CADM2: variants seen among roughly 807,000 people sequenced by gnomAD.
CADM2 encodes cell adhesion molecule 2.
In CADM2, 12 loss-of-function variants were observed where a neutral mutation model predicts 49.8. That is an observed-to-expected ratio of 0.24 (90% CI 0.15 to 0.39). CADM2 has a LOEUF of 0.39. CADM2 is among the 10% of genes least tolerant of loss of function. The pLI is 1.00. For missense variants in CADM2, 378 were observed against 492.3 expected (o/e 0.77, Z 2.20); for synonymous variants, 214 against 175.4 (o/e 1.22, Z -1.74).
chr3:85,342,852 A>T (rs1178021472), intron 1 of CADM2, among the ~76,000 whole-genome samples: 5 of 152,172 alleles, frequency 3.3e-5, no homozygotes, highest in African/African-American at 1.2e-4. Context: ...CTGTAAACGT[A>T]AAGCACCGCT....
intron 1 of CADM2, among the ~76,000 whole-genome samples, chr3:85,156,189 GT>G (rs879481906): frequency 8.6e-5 from 13 of 151,576 alleles, no homozygotes; most frequent in Non-Finnish European, 1.6e-4. Flanking sequence ...CCAGGAGCTG[GT>G]TTTTTGAAAG....
intron 1 of CADM2, among the ~76,000 whole-genome samples, chr3:85,490,733 C>T (rs184921546): frequency 1.5e-3 from 232 of 152,084 alleles, no homozygotes; most frequent in Non-Finnish European, 2.6e-3. Context: ...TTGACTATTT[C>T]TGAGGCTTTT....
At chr3:85,437,373 G>T (rs1559839583) in intron 1 of CADM2, among the ~76,000 whole-genome samples, 1 of 152,152 alleles carries the variant, frequency 6.6e-6, no homozygotes, top group Non-Finnish European at 1.5e-5. Context: ...ATGCCAAGAA[G>T]TGTGATTGCT....
At chr3:84,962,059 G>T (rs1163327159) in intron 1 of CADM2, among the ~76,000 whole-genome samples, 1 of 151,936 alleles carries the variant, frequency 6.6e-6, no homozygotes, top group Admixed American at 6.6e-5. Context: ...GCAGACTGGG[G>T]AGCGGGGGGT....
At chr3:85,209,677 A>T (rs2041731789) in intron 1 of CADM2, among the ~76,000 whole-genome samples, 1 of 151,976 alleles carries the variant, frequency 6.6e-6, no homozygotes, top group Non-Finnish European at 1.5e-5. Context: ...AAAAAAAAAC[A>T]TACAGAAGAA....
chr3:85,344,097 G>A (rs2030264600), intron 1 of CADM2, among the ~76,000 whole-genome samples: 1 of 152,026 alleles, frequency 6.6e-6, no homozygotes, highest in Non-Finnish European at 1.5e-5. Context: ...TAAAATAATT[G>A]TATGGGCCGG....
chr3:85,132,546 G>A (rs1309416513), intron 1 of CADM2, among the ~76,000 whole-genome samples: 3 of 151,816 alleles, frequency 2.0e-5, no homozygotes, highest in Non-Finnish European at 4.4e-5. Flanking sequence ...AAGTGTTTTT[G>A]CAGTATTTTA....
chr3:85,736,937 G>T (rs144217493), intron 2 of CADM2, among the ~76,000 whole-genome samples: 62 of 152,284 alleles, frequency 4.1e-4, no homozygotes, highest in African/African-American at 1.5e-3. Context: ...AGATTCACGA[G>T]AATAGAAATT....
At chr3:85,840,314 C>T (rs1327910127) in intron 3 of CADM2, among the ~76,000 whole-genome samples, 3 of 151,802 alleles carry the variant, frequency 2.0e-5, no homozygotes, top group Non-Finnish European at 4.4e-5. Context: ...AAAATGACAA[C>T]ACCTACTTTC....
chr3:85,941,121 A>G (rs1184778257), intron 7 of CADM2, among the ~76,000 whole-genome samples: 1 of 152,160 alleles, frequency 6.6e-6, no homozygotes, highest in Admixed American at 6.6e-5. Context: ...AGATTGTTTT[A>G]ATAATGACAG....
intron 1 of CADM2, among the ~76,000 whole-genome samples, chr3:85,482,329 T>A (rs2107629507): frequency 6.6e-6 from 1 of 151,920 alleles, no homozygotes; most frequent in South Asian, 2.1e-4. Flanking sequence ...TGGTGACAGT[T>A]GTATTTCTAA....
At position 85,786,061 on chromosome 3, in the gene CADM2, G is replaced by A. The variant is rs566788732; in HGVS notation, c.89-15986G>A. On this transcript the variant is annotated intron_variant, in intron 2 of 9. Coordinates refer to ENST00000383699, the MANE Select transcript of CADM2 (RefSeq NM_001167675.2). ...TTAGCCCTTTCCTCCCAATATGATAGTGAAGTGACCATTGGCTTTGCTGTG... is the reference window on the plus strand; with the variant it reads ...TTAGCCCTTTCCTCCCAATATGATAATGAAGTGACCATTGGCTTTGCTGTG... Among the ~76,000 whole-genome samples the A allele has an allele frequency of 4.1e-4, 62 of 152,078 alleles. 2 individuals are homozygous for A. Among genetic ancestry groups the A allele is most frequent in the Admixed American group, 3.7e-3 (57 of 15,260 alleles).
chr3:85,156,788 A>G (rs2040139927), intron 1 of CADM2, among the ~76,000 whole-genome samples: 1 of 152,214 alleles, frequency 6.6e-6, no homozygotes, highest in African/African-American at 2.4e-5. Flanking sequence ...CAAGACAGGG[A>G]TGCCCTCTCT....
intron 1 of CADM2, among the ~76,000 whole-genome samples, chr3:84,972,502 C>G (rs1292393726): frequency 6.6e-6 from 1 of 152,136 alleles, no homozygotes; most frequent in African/African-American, 2.4e-5. Flanking sequence ...TAGCCATTGG[C>G]CTGAGTTTGA....
intron 1 of CADM2, among the ~76,000 whole-genome samples, chr3:85,295,433 A>G (rs1306306341): frequency 6.6e-6 from 1 of 152,214 alleles, no homozygotes; most frequent in African/African-American, 2.4e-5. Flanking sequence ...CAGCCATCCC[A>G]TTACTGGGTA....
At chr3:85,252,728 A>G in intron 1 of CADM2, among the ~76,000 whole-genome samples, 1 of 151,942 alleles carries the variant, frequency 6.6e-6, no homozygotes, top group East Asian at 1.9e-4. Flanking sequence ...ATTTTTCTCC[A>G]TGTCTATCAC....
At position 86,015,035 on chromosome 3, in the gene CADM2, G is replaced by A. The variant is rs1424286760; in HGVS notation, c.971-50570G>A. 5 of 848,938 alleles carry A rather than the reference G, an allele frequency of 5.9e-6. No individual in the cohort carries two copies. The African/African-American group carries it at 8.4e-5, about 14-fold the overall frequency. The allele number at this position is 848,938 out of a possible 1,614,324, so 52.6% of individuals were successfully genotyped here. ...TAAATTGTGACATAAAACACAACCT[G>A]GATTTAATGGCGGACACACACGTTA... On this transcript the variant is annotated intron_variant, in intron 8 of 9. Transcript: ENST00000383699.
chr3:85,796,419 G>A (rs747975094), intron 2 of CADM2, among the ~76,000 whole-genome samples: 15 of 152,002 alleles, frequency 9.9e-5, no homozygotes, highest in South Asian at 2.1e-4. Flanking sequence ...TGAGCTGAAG[G>A]CAAAACACAT....
At chr3:84,993,674 A>T (rs2033020837) in intron 1 of CADM2, among the ~76,000 whole-genome samples, 1 of 152,176 alleles carries the variant, frequency 6.6e-6, no homozygotes, top group African/African-American at 2.4e-5. Context: ...ACACTGACTG[A>T]TATGAACTGT....
Sources: gnomAD v4.1 joint callset for allele counts (sites outside exome capture counted in the v4.1 genomes callset) on GRCh38, gnomAD v4.1.1 for gene constraint, MANE v1.5 for transcripts, NCBI Gene and HGNC (gene_info 2026-07-23, HGNC 2026-07-21) for gene names.